The following RAP1B variants were observed in gnomAD, a reference collection of about 807,000 sequenced individuals.
The protein encoded by RAP1B is RAP1B, member of RAS oncogene family.
Under a neutral mutation model 27.5 loss-of-function variants are expected in RAP1B, and 1 was observed. The observed-to-expected ratio is 0.04, with a 90% CI of 0.01 to 0.17. The LOEUF (loss-of-function observed/expected upper bound fraction) is 0.17, where lower values mean the gene tolerates loss of function less well. Among genes scored for constraint, RAP1B ranks in the 10% least tolerant of loss-of-function variants. The probability of loss-of-function intolerance (pLI) is 1.00; values close to 1 mark genes in which losing one functional copy is unlikely to be tolerated. For synonymous variants in RAP1B, 75 were observed against 73.1 expected, an observed-to-expected ratio of 1.03 and a Z score of -0.13; for missense variants, 84 against 214.8, an observed-to-expected ratio of 0.39 and a Z score of 3.81.
At chr12:68,649,053 T>G (rs1239913505) in intron 2 of RAP1B, 1 of 340,980 alleles carries the variant, frequency 2.9e-6, no homozygotes, top group Non-Finnish European at 5.2e-6. Context: ...CATGTCTTTT[T>G]GCATTCGCAT....
chr12:68,655,428 CAA>C (rs1451905578), intron 5 of RAP1B, among the ~76,000 whole-genome samples: 1 of 151,786 alleles, frequency 6.6e-6, no homozygotes, highest in East Asian at 1.9e-4. Context: ...ACTTCTGAAA[CAA>C]GGGAATTTGG....
rs1278401980 is a variant in RAP1B, at chr12:68,663,062, CTT to C, written c.*3817_*3818del. 6.7e-6 allele frequency: 1 copy of C among 150,208 alleles called. No individual in the cohort carries two copies. The highest frequency in any genetic ancestry group is 6.6e-5 in the Admixed American group (1 of 15,046). The allele number at this position is 150,208 out of a possible 1,614,324, so 9.3% of individuals were successfully genotyped here. A position where few individuals can be genotyped will look rare whatever the true frequency, so the allele number is the denominator to read the frequency against. On this transcript the variant is annotated 3_prime_UTR_variant, in exon 8 of 8. Transcript: ENST00000250559. ...ACACATTTGAATTTTCTTTTTTTTT[CTT>C]TTTCTTTTTTTTTTTTGAGACTGAG...
chr12:68,632,142 T>TG (rs1341310208), intron 1 of RAP1B, among the ~76,000 whole-genome samples: 136 of 135,336 alleles, frequency 1.0e-3, no homozygotes, highest in South Asian at 2.3e-3. Flanking sequence ...TTTTTTTTTT[T>TG]TTTGTTTGTT....
intron 1 of RAP1B, chr12:68,642,975 C>CT: frequency 1.2e-6 from 1 of 815,982 alleles, no homozygotes; most frequent in South Asian, 1.3e-5. Context: ...GTTTTTAGAG[C>CT]AAGTTTTCGC....
intron 1 of RAP1B, 128 bp from the exon 2 acceptor site, chr12:68,648,571 T>C (rs909350525): frequency 5.8e-6 from 4 of 693,688 alleles, no homozygotes; most frequent in Admixed American, 2.9e-5. Flanking sequence ...GCTTATAGGG[T>C]GCTCCATACT....
At position 68,656,859 on chromosome 12, in the gene RAP1B, A is replaced by G. The variant is rs145440859; in HGVS notation, c.469-242A>G. On this transcript the variant is annotated intron_variant, in intron 6 of 7. Coordinates refer to ENST00000250559, the MANE Select transcript of RAP1B (RefSeq NM_001010942.3). ...TTCTTTGTGTGATGGTAAATGTTCT[A>G]ATTGAACTAAGTTAAGATCTCTGCA... Among the ~76,000 whole-genome samples the G allele has an allele frequency of 2.4e-4, 36 of 152,304 alleles. No individual in the cohort carries two copies. In the East Asian group the frequency reaches 5.6e-3, roughly 24 times the overall value.
chr12:68,638,539 ATAATG>A (rs1483423474), intron 1 of RAP1B, among the ~76,000 whole-genome samples: 4 of 152,230 alleles, frequency 2.6e-5, no homozygotes, highest in Admixed American at 2.6e-4. Context: ...TTTTTGAAAG[ATAATG>A]ACTCCAAAAT....
chr12:68,627,058 G>T, intron 1 of RAP1B: 3 of 1,593,428 alleles, frequency 1.9e-6, no homozygotes, highest in Non-Finnish European at 2.6e-6. Flanking sequence ...TTGGCCCTGC[G>T]CAGGGCCTCA....
chr12:68,644,085 T>C (rs1294977002), intron 1 of RAP1B, among the ~76,000 whole-genome samples: 2 of 152,206 alleles, frequency 1.3e-5, no homozygotes, highest in African/African-American at 4.8e-5. Context: ...TCATTAAGAC[T>C]TCTGTGATTA....
At chr12:68,651,646 T>C (rs978153595) in intron 3 of RAP1B, 2 of 217,542 alleles carry the variant, frequency 9.2e-6, no homozygotes, top group African/African-American at 2.3e-5. Flanking sequence ...GAATTACTTA[T>C]GATACTGTTG....
rs1358436427 is a variant in RAP1B, at chr12:68,668,237, C to T, written c.*8988C>T. On this transcript the variant is annotated 3_prime_UTR_variant, in exon 8 of 8. Transcript: ENST00000250559. ...TCCAAACAGGATGGATACAGAATGC[C>T]AACCAGGTTAGCCCTGGCAAGTTAA... The T allele has an allele frequency of 1.3e-5, 2 of 152,228 alleles. No homozygotes were observed. Among genetic ancestry groups the T allele is most frequent in the Non-Finnish European group, 1.5e-5 (1 of 68,048 alleles). The allele number at this position is 152,228 out of a possible 1,614,324, so 9.4% of individuals were successfully genotyped here. A position where few individuals can be genotyped will look rare whatever the true frequency, so the allele number is the denominator to read the frequency against.
rs540582294 is a variant in RAP1B, at chr12:68,638,912, C to T, written c.-26-9787C>T. On this transcript the variant is annotated intron_variant, in intron 1 of 7. Coordinates refer to ENST00000250559, the MANE Select transcript of RAP1B (RefSeq NM_001010942.3). ...CTCACTTCAAGTGATCTGCCTGCCTCGGCCCCGCAAAGTGCTGGGATTACA... is the reference window on the plus strand; with the variant it reads ...CTCACTTCAAGTGATCTGCCTGCCTTGGCCCCGCAAAGTGCTGGGATTACA... Among the ~76,000 whole-genome samples, 280 of 152,266 alleles carry T rather than the reference C, an allele frequency of 1.8e-3. 1 individual carries two copies. Among genetic ancestry groups the T allele is most frequent in the African/African-American group, 6.4e-3 (264 of 41,556 alleles).
chr12:68,623,891 C>A (rs1236389084), intron 1 of RAP1B, among the ~76,000 whole-genome samples: 1 of 152,176 alleles, frequency 6.6e-6, no homozygotes, highest in African/African-American at 2.4e-5. Flanking sequence ...CATGGTGGCG[C>A]ACGCCAGTAG....
chr12:68,616,187 C>T (rs1870989597), intron 1 of RAP1B, among the ~76,000 whole-genome samples: 1 of 152,134 alleles, frequency 6.6e-6, no homozygotes, highest in South Asian at 2.1e-4. Context: ...TGGTCTGGAT[C>T]TCCTGACCTC....
chr12:68,637,817 A>G (rs149794087), intron 1 of RAP1B, among the ~76,000 whole-genome samples: 242 of 152,176 alleles, frequency 1.6e-3, no homozygotes, highest in African/African-American at 4.1e-3. Flanking sequence ...TTATTTACCA[A>G]TTATGAACTA....
At position 68,667,200 on chromosome 12, in the gene RAP1B, A is replaced by C. The variant is rs1874890968; in HGVS notation, c.*7951A>C. Reference sequence around the variant, plus strand: ...CTTCATCTCACGCATCCCACCTTTAATCAGACATATGTGATTCATATGAGA... The same window carrying C: ...CTTCATCTCACGCATCCCACCTTTACTCAGACATATGTGATTCATATGAGA... On this transcript the variant is annotated 3_prime_UTR_variant, in exon 8 of 8. Coordinates refer to ENST00000250559, the MANE Select transcript of RAP1B (RefSeq NM_001010942.3). 6.6e-6 allele frequency: 1 copy of C among 152,156 alleles called. No homozygotes were observed. Among genetic ancestry groups the C allele is most frequent in the Non-Finnish European group, 1.5e-5 (1 of 68,020 alleles). 9.4% of individuals were successfully genotyped at this position (152,156 alleles called of 1,614,324 possible). A position where few individuals can be genotyped will look rare whatever the true frequency, so the allele number is the denominator to read the frequency against.
At chr12:68,612,200 T>C (rs1870653465) in intron 1 of RAP1B, among the ~76,000 whole-genome samples, 1 of 152,240 alleles carries the variant, frequency 6.6e-6, no homozygotes, top group South Asian at 2.1e-4. Context: ...GCATCTCATA[T>C]ATGTCGAGTA....
At chr12:68,643,858 A>G (rs1430749284) in intron 1 of RAP1B, among the ~76,000 whole-genome samples, 1 of 152,142 alleles carries the variant, frequency 6.6e-6, no homozygotes, top group African/African-American at 2.4e-5. Context: ...TTTATTAACA[A>G]TAGAACTGTC....
intron 1 of RAP1B, among the ~76,000 whole-genome samples, chr12:68,634,229 C>G (rs140473960): frequency 2.6e-5 from 4 of 152,304 alleles, no homozygotes; most frequent in Non-Finnish European, 5.9e-5. Flanking sequence ...CTATGTGTTA[C>G]TCATTGTGCT....
Sources: gnomAD v4.1 joint callset for allele counts (sites outside exome capture counted in the v4.1 genomes callset) on GRCh38, gnomAD v4.1.1 for gene constraint, MANE v1.5 for transcripts, NCBI Gene and HGNC (gene_info 2026-07-23, HGNC 2026-07-21) for gene names.